DENND6A: variants seen among roughly 807,000 people sequenced by gnomAD.
The protein encoded by DENND6A is protein DENND6A.
In DENND6A, 43 loss-of-function variants were observed where a neutral mutation model predicts 95.5. That is an observed-to-expected ratio of 0.45 (90% CI 0.35 to 0.58). DENND6A has a LOEUF of 0.58. Among genes scored for constraint, DENND6A ranks in the 20% least tolerant of loss-of-function variants. The pLI is 0.00. For missense variants in DENND6A, 574 were observed against 736.0 expected (o/e 0.78, Z 2.55); for synonymous variants, 257 against 260.4 (o/e 0.99, Z 0.13).
intron 12 of DENND6A, among the ~76,000 whole-genome samples, chr3:57,637,142 A>G (rs982112589): frequency 3.1e-4 from 47 of 152,260 alleles, no homozygotes; most frequent in African/African-American, 1.1e-3. Flanking sequence ...AATCTTCACA[A>G]TAAGAGTTTA....
chr3:57,630,629 A>T (rs2070647583), intron 17 of DENND6A, 86 bp downstream of exon 17: 2 of 1,531,088 alleles, frequency 1.3e-6, no homozygotes, highest in African/African-American at 2.8e-5. Context: ...AGAATTTTTT[A>T]AAAAGAATAA....
rs187737992 is a variant in DENND6A at position 57,685,738 on chromosome 3, T to A, written c.237+7044A>T. 2.2e-3 allele frequency among the ~76,000 whole-genome samples: 335 copies of A among 150,928 alleles called. 2 individuals carry two copies. Among genetic ancestry groups the A allele is most frequent in the African/African-American group, 6.9e-3 (283 of 41,206 alleles). Reference sequence around the variant, plus strand: ...TGCTTCAGCATTCATTCTTTTTTTTTAAAAAAAAATTTGTTTTTCTTTAAT... The same window carrying A: ...TGCTTCAGCATTCATTCTTTTTTTTAAAAAAAAAATTTGTTTTTCTTTAAT... On this transcript the variant is annotated intron_variant, in intron 1 of 19. Coordinates refer to ENST00000311128, the MANE Select transcript of DENND6A (RefSeq NM_152678.3).
Position 57,693,066 on chromosome 3 carries a change from C to T in DENND6A, c.-48G>A. Reference sequence around the variant, plus strand: ...GCCGCCTCCACAGCGGACCGCGCCGCAGAGCGCGCTTGCCTCCGCGCAGGC... The same window carrying T: ...GCCGCCTCCACAGCGGACCGCGCCGTAGAGCGCGCTTGCCTCCGCGCAGGC... On this transcript the variant is annotated 5_prime_UTR_variant, in exon 1 of 20. Coordinates refer to ENST00000311128, the MANE Select transcript of DENND6A (RefSeq NM_152678.3). The T allele has an allele frequency of 7.5e-7, 1 of 1,338,916 alleles. No homozygotes were observed. Among genetic ancestry groups the T allele is most frequent in the South Asian group, 1.8e-5 (1 of 54,488 alleles). 82.9% of individuals were successfully genotyped at this position (1,338,916 alleles called of 1,614,324 possible).
intron 9 of DENND6A, among the ~76,000 whole-genome samples, chr3:57,652,032 T>C (rs545804319): frequency 6.6e-6 from 1 of 152,076 alleles, no homozygotes; most frequent in African/African-American, 2.4e-5. Context: ...ACACCCTCTC[T>C]ACAAAAATAA....
intron 1 of DENND6A, among the ~76,000 whole-genome samples, chr3:57,683,884 T>A (rs2077187989): frequency 1.3e-5 from 2 of 152,028 alleles, no homozygotes; most frequent in African/African-American, 4.8e-5. Context: ...TAAAAAGTGT[T>A]TAGCTCATGC....
At chr3:57,642,767 A>G (rs2070976202) in intron 11 of DENND6A, among the ~76,000 whole-genome samples, 1 of 151,954 alleles carries the variant, frequency 6.6e-6, no homozygotes, top group South Asian at 2.1e-4. Flanking sequence ...CCCTTTGGGA[A>G]GGCCGAGGTG....
At chr3:57,631,716 C>CTTTTTTT (rs1156532234) in intron 15 of DENND6A, among the ~76,000 whole-genome samples, 9 of 92,012 alleles carry the variant, frequency 9.8e-5, no homozygotes, top group South Asian at 3.9e-4. Flanking sequence ...TCTCTGCTCT[C>CTTTTTTT]TTTTTTTTTT....
intron 9 of DENND6A, among the ~76,000 whole-genome samples, chr3:57,653,468 G>A (rs534733732): frequency 1.3e-4 from 20 of 152,126 alleles, no homozygotes; most frequent in South Asian, 1.2e-3. Flanking sequence ...GTAGTAGGCC[G>A]GGCGCGGTGG....
intron 12 of DENND6A, among the ~76,000 whole-genome samples, chr3:57,638,990 C>T (rs1559807327): frequency 6.6e-6 from 1 of 151,948 alleles, no homozygotes; most frequent in East Asian, 1.9e-4. Context: ...CCCAGCTACT[C>T]GGGAGGCTGA....
chr3:57,637,766 C>A (rs1394901609), intron 12 of DENND6A, among the ~76,000 whole-genome samples: 123 of 109,316 alleles, frequency 1.1e-3, no homozygotes, highest in African/African-American at 3.1e-3. Flanking sequence ...AATAAGACTT[C>A]AAAAAAAAAA....
chr3:57,668,774 T>C (rs2071566725), intron 3 of DENND6A, among the ~76,000 whole-genome samples: 1 of 152,242 alleles, frequency 6.6e-6, no homozygotes, highest in Non-Finnish European at 1.5e-5. Context: ...GCTTGATTTA[T>C]GTCTCTTTCC....
intron 1 of DENND6A, among the ~76,000 whole-genome samples, chr3:57,686,621 C>G (rs1005741949): frequency 2.0e-5 from 3 of 152,090 alleles, no homozygotes; most frequent in Non-Finnish European, 4.4e-5. Flanking sequence ...TTTTTTGTTA[C>G]TATTGTATCT....
In DENND6A at chr3:57,657,633, A is replaced by G. The variant is rs775409958; in HGVS notation, c.818+47T>C. ...ATTTTTTAAATAAATTAACACCACC[A>G]CCACAAAGCAAAAGGAAGTCAGTTA... On this transcript the variant is annotated intron_variant, in intron 9 of 19. Transcript: ENST00000311128. 9 of 1,253,640 alleles carry G rather than the reference A, an allele frequency of 7.2e-6. No homozygotes were observed. In the African/African-American group the frequency reaches 1.4e-4, roughly 19 times the overall value. 77.7% of individuals were successfully genotyped at this position (1,253,640 alleles called of 1,614,324 possible).
intron 1 of DENND6A, among the ~76,000 whole-genome samples, chr3:57,681,256 G>C (rs1183530802): frequency 6.6e-6 from 1 of 151,954 alleles, no homozygotes; most frequent in Non-Finnish European, 1.5e-5. Flanking sequence ...ACGAGGTCAG[G>C]AGATCGACAC....
In DENND6A at chr3:57,629,115, A is replaced by T. The variant is rs563933986; in HGVS notation, c.1621-230T>A. ...TGTCTCATATTTGGAAGTAAAACAAAATGTACTGAGGTGGCTTTTTTAGAT... is the reference window on the plus strand; with the variant it reads ...TGTCTCATATTTGGAAGTAAAACAATATGTACTGAGGTGGCTTTTTTAGAT... On this transcript the variant is annotated intron_variant, in intron 18 of 19. Coordinates refer to ENST00000311128, the MANE Select transcript of DENND6A (RefSeq NM_152678.3). Among the ~76,000 whole-genome samples, 6 of 152,350 alleles carry T rather than the reference A, an allele frequency of 3.9e-5. No homozygotes were observed. The South Asian group carries it at 1.2e-3, about 32-fold the overall frequency.
intron 1 of DENND6A, among the ~76,000 whole-genome samples, chr3:57,672,883 G>A (rs1004765389): frequency 3.3e-5 from 5 of 151,794 alleles, no homozygotes; most frequent in South Asian, 2.1e-4. Context: ...ACAGATGCAC[G>A]GATAAAGAAA....
intron 15 of DENND6A, among the ~76,000 whole-genome samples, chr3:57,632,167 G>A (rs1169094341): frequency 1.3e-5 from 2 of 149,880 alleles, no homozygotes; most frequent in African/African-American, 4.9e-5. Context: ...CTACAGGTGC[G>A]TGCCACCATG....
intron 4 of DENND6A, among the ~76,000 whole-genome samples, chr3:57,664,170 G>C (rs2071489073): frequency 6.6e-6 from 1 of 152,096 alleles, no homozygotes; most frequent in Non-Finnish European, 1.5e-5. Flanking sequence ...ACAATTTTGA[G>C]ATTGTCAAGG....
At chr3:57,663,463 C>CAA (rs1189672713) in intron 5 of DENND6A, among the ~76,000 whole-genome samples, 173 bp downstream of exon 5, 5,236 of 51,862 alleles carry the variant, frequency 0.1, 757 homozygotes, top group East Asian at 0.49. Flanking sequence ...GACTCCACCT[C>CAA]AAAAAAAAAA....
Sources: allele counts gnomAD v4.1 joint callset (sites outside exome capture counted in the v4.1 genomes callset), GRCh38; gene constraint gnomAD v4.1.1; transcripts MANE v1.5; gene names NCBI Gene and HGNC (gene_info 2026-07-23, HGNC 2026-07-21).